SLC25A28: variants seen among roughly 807,000 people sequenced by gnomAD.
SLC25A28 encodes mitoferrin-2.
Under a neutral mutation model 31.9 loss-of-function variants are expected in SLC25A28, and 10 were observed. The observed-to-expected ratio is 0.31, with a 90% CI of 0.19 to 0.53. SLC25A28 has a LOEUF of 0.53. Ranked by LOEUF, SLC25A28 falls within the 20% of genes least tolerant of loss-of-function variation. SLC25A28 has a pLI of 0.95. For missense variants in SLC25A28, 256 were observed against 490.3 expected (o/e 0.52, Z 4.51); for synonymous variants, 208 against 203.6 (o/e 1.02, Z -0.19).
the SLC25A28 span, among the ~76,000 whole-genome samples, chr10:99,629,025 G>A: frequency 2.0e-5 from 3 of 152,202 alleles, no homozygotes; most frequent in East Asian, 5.8e-4. Flanking sequence ...CCACTCCTAG[G>A]TATATGACTG....
At chr10:99,643,092 G>T in the SLC25A28 span, among the ~76,000 whole-genome samples, 2 of 152,138 alleles carry the variant, frequency 1.3e-5, no homozygotes, top group Non-Finnish European at 1.5e-5. Context: ...AAATGAGTCA[G>T]GGAGGATTCC....
At chr10:99,643,726 C>A in the SLC25A28 span, among the ~76,000 whole-genome samples, 451 of 152,326 alleles carry the variant, frequency 3.0e-3, 2 homozygotes, top group Middle Eastern at 0.01. Context: ...TCCCTCTACA[C>A]ACTGCTTTAA....
the SLC25A28 span, among the ~76,000 whole-genome samples, chr10:99,628,736 G>A: frequency 3.3e-5 from 5 of 152,268 alleles, no homozygotes. Context: ...CAGAAGAATC[G>A]TTTGAACCCG....
the SLC25A28 span, among the ~76,000 whole-genome samples, chr10:99,626,206 A>AT: frequency 6.6e-6 from 1 of 152,210 alleles, no homozygotes; most frequent in Non-Finnish European, 1.5e-5. Flanking sequence ...ACACATGAAA[A>AT]TAAGACTGCT....
rs374978865 is a variant in SLC25A28 at position 99,610,884 on chromosome 10, T to C, written c.1060A>G (p.Thr354Ala). 6.2e-7 allele frequency: 1 copy of C among 1,614,136 alleles called. No individual in the cohort carries two copies. Among genetic ancestry groups the C allele is most frequent in the Non-Finnish European group, 8.5e-7 (1 of 1,179,998 alleles). The change falls in exon 4 of 4, where the codon ACT (threonine) becomes GCT (alanine). Residue 354 changes from threonine to alanine, a missense_variant. Physicochemically the swap from Thr to Ala is moderately conservative, Grantham distance 58 (BLOSUM62 0). This residue lies in a region of SLC25A28 where 158 missense variants were observed against 379.1 expected (regional missense o/e 0.42). Transcript: ENST00000370495. ...GCCCTCCACTCTTCTTGCCTTTTAGTGATTAGGTATTTGAAGAACTCATAC... is the reference window on the plus strand; with the variant it reads ...GCCCTCCACTCTTCTTGCCTTTTAGCGATTAGGTATTTGAAGAACTCATAC... ...SVYEFFKYLI[T>A]KRQEEWRAGK
chr10:99,622,595 C>T (rs891405693), upstream of SLC25A28: 9 of 956,320 alleles, frequency 9.4e-6, no homozygotes, highest in Admixed American at 1.2e-4. Context: ...TTCCTATTCC[C>T]GTTTTTCTTA....
chr10:99,615,855 T>G (rs1465408851), intron 1 of SLC25A28: 2 of 985,334 alleles, frequency 2.0e-6, no homozygotes, highest in Admixed American at 6.1e-5. Context: ...ATTGCTCTGC[T>G]GCAGTCAATG....
chr10:99,612,794 G>C lies in SLC25A28; in HGVS notation c.521-195C>G. ...TAAAGTATCTGTTCCCACCAACTTT[G>C]TAAGGTCACTAATGTATTCCACATC... On this transcript the variant is annotated intron_variant, in intron 2 of 3. Transcript: ENST00000370495. 4.7e-6 allele frequency: 3 copies of C among 632,936 alleles called. No individual in the cohort carries two copies. In the Admixed American group the frequency reaches 7.8e-5, roughly 16 times the overall value. The allele number at this position is 632,936 out of a possible 1,614,324, so 39.2% of individuals were successfully genotyped here.
chr10:99,621,162 G>T, upstream of SLC25A28: 1 of 205,432 alleles, frequency 4.9e-6, no homozygotes, highest in Non-Finnish European at 8.6e-6. Flanking sequence ...GACCGCGGCG[G>T]CCCGCTAGAC....
chr10:99,628,371 A>G, the SLC25A28 span, among the ~76,000 whole-genome samples: 36 of 152,244 alleles, frequency 2.4e-4, no homozygotes, highest in Non-Finnish European at 7.3e-5. Context: ...ACAGATCAAC[A>G]TTATGCCATC....
At chr10:99,637,623 C>G in the SLC25A28 span, among the ~76,000 whole-genome samples, 1 of 152,166 alleles carries the variant, frequency 6.6e-6, no homozygotes, top group Non-Finnish European at 1.5e-5. Context: ...AAATCAGTAG[C>G]TCTCCTATAC....
chr10:99,622,071 C>A (rs557046505), upstream of SLC25A28, among the ~76,000 whole-genome samples: 1 of 152,286 alleles, frequency 6.6e-6, no homozygotes, highest in East Asian at 1.9e-4. Context: ...GTGACCCCAA[C>A]ACTGTGAAGG....
chr10:99,616,482 A>G, intron 1 of SLC25A28: 1 of 984,530 alleles, frequency 1.0e-6, no homozygotes, highest in Non-Finnish European at 1.2e-6. Context: ...CTAAGAATTT[A>G]CAGATCATGG....
intron 1 of SLC25A28, 144 bp from the exon 2 acceptor site, chr10:99,614,068 G>T: frequency 9.8e-7 from 1 of 1,024,982 alleles, no homozygotes; most frequent in Admixed American, 2.9e-5. Context: ...ATCTATAGCT[G>T]ATCTTTCTTC....
the SLC25A28 span, among the ~76,000 whole-genome samples, chr10:99,653,301 C>G: frequency 5.3e-5 from 8 of 152,192 alleles, no homozygotes; most frequent in Admixed American, 1.3e-4. Flanking sequence ...GGTACTCAAG[C>G]AGCCCTGGGA....
the SLC25A28 span, among the ~76,000 whole-genome samples, chr10:99,629,167 G>C: frequency 1.4e-4 from 22 of 152,252 alleles, no homozygotes; most frequent in South Asian, 4.6e-3. Flanking sequence ...CCCTCTGTGG[G>C]GGACAGGTGA....
the SLC25A28 span, among the ~76,000 whole-genome samples, chr10:99,632,935 G>A: frequency 1.3e-5 from 2 of 152,162 alleles, no homozygotes; most frequent in African/African-American, 4.8e-5. Flanking sequence ...TTCCTTGAAT[G>A]TTATCAAATA....
chr10:99,644,521 GT>G, the SLC25A28 span, among the ~76,000 whole-genome samples: 5 of 152,142 alleles, frequency 3.3e-5, no homozygotes, highest in Non-Finnish European at 7.4e-5. Flanking sequence ...TTGCCAGCCT[GT>G]GTCTTTTAAT....
At chr10:99,639,786 A>G in the SLC25A28 span, among the ~76,000 whole-genome samples, 2 of 151,502 alleles carry the variant, frequency 1.3e-5, no homozygotes, top group African/African-American at 4.9e-5. Context: ...CAACTGCATC[A>G]AAAGAGATAA....
Sources: gnomAD v4.1 joint callset for allele counts (sites outside exome capture counted in the v4.1 genomes callset) on GRCh38, gnomAD v4.1.1 for gene constraint, gnomAD v4.1.1 regional missense constraint, MANE v1.5 for transcripts, NCBI Gene and HGNC (gene_info 2026-07-23, HGNC 2026-07-21) for gene names.